The following RNF38 variants were observed in gnomAD, a reference collection of about 807,000 sequenced individuals.
RNF38 encodes ring finger protein 38, also known as E3 ubiquitin-protein ligase RNF38.
RNF38 carries 15 observed loss-of-function variants against 67.2 expected under a neutral mutation model. That is an observed-to-expected ratio of 0.22 (90% CI 0.15 to 0.34). The LOEUF is 0.34. RNF38 is among the 10% of genes least tolerant of loss of function. RNF38 has a pLI of 1.00. For synonymous variants in RNF38, 220 were observed against 218.8 expected (o/e 1.01, Z -0.05); for missense variants, 524 against 639.9 (o/e 0.82, Z 1.95).
chr9:36,418,278 C>T (rs1342819238), intron 2 of RNF38, among the ~76,000 whole-genome samples: 1 of 151,922 alleles, frequency 6.6e-6, no homozygotes, highest in African/African-American at 2.4e-5. Context: ...TTGAGTGATC[C>T]ACTCATTTCG....
chr9:36,486,243 A>G (rs570391347), intron 1 of RNF38, among the ~76,000 whole-genome samples: 3 of 152,170 alleles, frequency 2.0e-5, no homozygotes, highest in South Asian at 2.1e-4. Flanking sequence ...TTCCCCTTCC[A>G]AGGGACATCC....
At chr9:36,369,119 G>GA (rs1455880971) in intron 4 of RNF38, among the ~76,000 whole-genome samples, 1 of 152,126 alleles carries the variant, frequency 6.6e-6, no homozygotes, top group Admixed American at 6.5e-5. Context: ...TATTCCAGAA[G>GA]AAACTAGGAA....
At chr9:36,487,103 C>G (rs1251447989) in intron 1 of RNF38, among the ~76,000 whole-genome samples, 2 of 152,212 alleles carry the variant, frequency 1.3e-5, no homozygotes, top group African/African-American at 4.8e-5. Context: ...GGGGAGGGGG[C>G]TACCCACCGG....
intron 2 of RNF38, among the ~76,000 whole-genome samples, chr9:36,381,284 T>TC (rs913931428): frequency 4.0e-5 from 6 of 150,812 alleles, no homozygotes; most frequent in Admixed American, 1.3e-4. Context: ...AAAAATAAAA[T>TC]CCCCCCCAAA....
chr9:36,416,321 C>G (rs1281109106), intron 2 of RNF38, among the ~76,000 whole-genome samples: 1 of 152,046 alleles, frequency 6.6e-6, no homozygotes. Context: ...TGGGGGCAAG[C>G]TGGCAGTGAC....
At chr9:36,387,369 A>C (rs1006060832) in intron 2 of RNF38, among the ~76,000 whole-genome samples, 6 of 152,148 alleles carry the variant, frequency 3.9e-5, no homozygotes, top group African/African-American at 1.4e-4. Flanking sequence ...AAGATACCAC[A>C]AACACCCCTA....
intron 1 of RNF38, among the ~76,000 whole-genome samples, chr9:36,448,495 T>C (rs189970222): frequency 0.011 from 1,647 of 152,292 alleles, 22 homozygotes; most frequent in Middle Eastern, 0.037. Context: ...TATAAAGTAG[T>C]GGTGGTATAG....
rs1564004729 is a variant in RNF38 at position 36,356,283 on chromosome 9, A to AT, written c.909+19dup. The AT allele has an allele frequency of 6.2e-6, 10 of 1,612,398 alleles. No homozygotes were observed. The highest frequency in any genetic ancestry group is 8.5e-6 in the Non-Finnish European group (10 of 1,178,906). The stretch of plus-strand genomic sequence containing the variant: ...TTAGTTAAAAACTAAACATTCTGAC[A>AT]TAATAGTAGAGATACCTACCGATCG... On this transcript the variant is annotated intron_variant, in intron 6 of 11. Transcript: ENST00000259605.
chr9:36,449,704 G>A (rs1335839641), intron 1 of RNF38, among the ~76,000 whole-genome samples: 2 of 152,056 alleles, frequency 1.3e-5, no homozygotes, highest in Non-Finnish European at 2.9e-5. Context: ...CAAAGTGCTG[G>A]GATTACAGGC....
At chr9:36,470,388 G>A (rs775592538) in intron 1 of RNF38, among the ~76,000 whole-genome samples, 7 of 152,174 alleles carry the variant, frequency 4.6e-5, no homozygotes, top group Admixed American at 4.6e-4. Flanking sequence ...ATGGGAAGTA[G>A]GGGAGGCCCA....
In RNF38 at chr9:36,433,954, T is replaced by C. The variant is rs551577220; in HGVS notation, n.242-9271A>G. Among the ~76,000 whole-genome samples the C allele has an allele frequency of 3.3e-5, 5 of 151,784 alleles. No homozygotes were observed. The East Asian group carries it at 5.9e-4, about 18-fold the overall frequency. ...ACTCAGTGAAAAATACTTATAACTTTTAGGCCAGGCGCGGTGGCTCATGCC... is the reference window on the plus strand; with the variant it reads ...ACTCAGTGAAAAATACTTATAACTTCTAGGCCAGGCGCGGTGGCTCATGCC... On this transcript the variant is annotated intron_variant and non_coding_transcript_variant, in intron 1 of 3. Coordinates refer to the RNF38 transcript ENST00000488058.
At chr9:36,441,558 C>T (rs1009759188) in intron 1 of RNF38, among the ~76,000 whole-genome samples, 4 of 152,052 alleles carry the variant, frequency 2.6e-5, no homozygotes, top group Admixed American at 1.3e-4. Context: ...CTCCTGACCT[C>T]GTGATCCACC....
intron 1 of RNF38, among the ~76,000 whole-genome samples, chr9:36,484,394 G>GGA (rs1840350961): frequency 6.6e-6 from 1 of 152,188 alleles, no homozygotes; most frequent in Non-Finnish European, 1.5e-5. Context: ...GGAGCCTGTA[G>GGA]GAGAGGTCCA....
chr9:36,438,583 A>G (rs1839122717), intron 1 of RNF38, among the ~76,000 whole-genome samples: 1 of 151,972 alleles, frequency 6.6e-6, no homozygotes, highest in Non-Finnish European at 1.5e-5. Context: ...ATACACACTT[A>G]CAAGCAGAAG....
chr9:36,347,206 G>T lies in RNF38; in HGVS notation c.1264-2253C>A, dbSNP rs1185388270. On this transcript the variant is annotated intron_variant, in intron 9 of 11. Coordinates refer to ENST00000259605, the MANE Select transcript of RNF38 (RefSeq NM_022781.5). ...TATATAAAATTTAGATAAAATTTAT[G>T]ATATCATTGATAATGATCTTTTATA... Among the ~76,000 whole-genome samples the T allele has an allele frequency of 6.2e-5, 9 of 144,032 alleles. No individual in the cohort carries two copies. In the East Asian group the frequency reaches 1.7e-3, roughly 27 times the overall value. 94.5% of individuals were successfully genotyped at this position (144,032 alleles called of 152,430 possible). A position where few individuals can be genotyped will look rare whatever the true frequency, so the allele number is the denominator to read the frequency against.
intron 1 of RNF38, among the ~76,000 whole-genome samples, chr9:36,453,879 G>A (rs912726109): frequency 1.3e-5 from 2 of 152,134 alleles, no homozygotes; most frequent in Non-Finnish European, 1.5e-5. Context: ...CACGATTAGA[G>A]ATTCATACTG....
At position 36,409,339 on chromosome 9, in the gene RNF38, AAG is replaced by A. The variant is rs552593861; in HGVS notation, n.312+15272_312+15273del. Among the ~76,000 whole-genome samples, 444 of 152,156 alleles carry A rather than the reference AAG, an allele frequency of 2.9e-3. 2 individuals are homozygous for A. The highest frequency in any genetic ancestry group is 4.8e-3 in the Non-Finnish European group (324 of 67,982). On this transcript the variant is annotated intron_variant and non_coding_transcript_variant, in intron 2 of 3. Coordinates refer to the RNF38 transcript ENST00000488058. Reference sequence around the variant, plus strand: ...AGAAAGAAAGAAAAAGAAAGAAAGAAAGAAAGAAAAAAAGAAAGAAGGCAGGC... The same window carrying A: ...AGAAAGAAAGAAAAAGAAAGAAAGAAAAAGAAAAAAAGAAAGAAGGCAGGC...
At chr9:36,443,568 TCA>T (rs1427699291) in intron 1 of RNF38, among the ~76,000 whole-genome samples, 1 of 152,096 alleles carries the variant, frequency 6.6e-6, no homozygotes, top group African/African-American at 2.4e-5. Context: ...CAATTAGGAA[TCA>T]CTACAAATAG....
At chr9:36,413,654 T>C (rs1432671113) in intron 2 of RNF38, among the ~76,000 whole-genome samples, 3 of 152,088 alleles carry the variant, frequency 2.0e-5, no homozygotes, top group African/African-American at 7.3e-5. Context: ...ATTTTGTAGT[T>C]TTCCTTGTAG....
Sources: allele counts gnomAD v4.1 joint callset (sites outside exome capture counted in the v4.1 genomes callset), GRCh38; gene constraint gnomAD v4.1.1; transcripts MANE v1.5; gene names NCBI Gene and HGNC (gene_info 2026-07-23, HGNC 2026-07-21).